Variants in MELK observed in about 807,000 individuals in gnomAD.
MELK encodes the protein pEg3 kinase.
Under a neutral mutation model 85.0 loss-of-function variants are expected in MELK, and 81 were observed. The observed-to-expected ratio is 0.95, with a 90% CI of 0.80 to 1.15. MELK has a LOEUF of 1.15. Among genes scored for constraint, MELK ranks in the 50% most tolerant of loss-of-function variants. The pLI, the probability that MELK is intolerant of heterozygous loss-of-function variation, is 0.00. For synonymous variants in MELK, 252 were observed against 265.0 expected (o/e 0.95, Z 0.48); for missense variants, 754 against 777.5 (o/e 0.97, Z 0.36).
intron 3 of MELK, 24 bp downstream of exon 3, chr9:36,583,736 AT>A (rs779154114): frequency 1.3e-6 from 2 of 1,514,270 alleles, no homozygotes; most frequent in South Asian, 1.1e-5. Flanking sequence ...TATTTAAAAA[AT>A]AGTCCACTTA....
chr9:36,593,355 C>A (rs930223944), intron 4 of MELK, among the ~76,000 whole-genome samples: 1 of 152,030 alleles, frequency 6.6e-6, no homozygotes, highest in African/African-American at 2.4e-5. Flanking sequence ...GTTATGAGGG[C>A]AGAGCCCTTA....
At position 36,599,395 on chromosome 9, in the gene MELK, G is replaced by T. The variant is rs547460338; in HGVS notation, c.476G>T (p.Gly159Val). 1 of 1,607,112 alleles carries T rather than the reference G, an allele frequency of 6.2e-7. No homozygotes were observed. Among genetic ancestry groups the T allele is most frequent in the South Asian group, 1.1e-5 (1 of 90,772 alleles). The stretch of plus-strand genomic sequence containing the variant: ...GTTTCATTTTTATCTTATTGGCAGG[G>T]TAACAAGGATTACCATCTACAGACA... ...IDFGLCAKPK[G>V]NKDYHLQTCC... Residue 159 changes from glycine (G) to valine (V), a missense_variant and splice_region_variant, in exon 7 of 18, where the codon GGT becomes GTT. Transcript: ENST00000298048.
chr9:36,636,605 G>C (rs1043520895), intron 10 of MELK, among the ~76,000 whole-genome samples: 1 of 152,138 alleles, frequency 6.6e-6, no homozygotes, highest in African/African-American at 2.4e-5. Flanking sequence ...GCCTTACCTG[G>C]GGTCGTGGCT....
intron 1 of MELK, among the ~76,000 whole-genome samples, chr9:36,576,787 CTACCAAAGTGCTAGGAT>C (rs1364227682): frequency 6.6e-6 from 1 of 152,148 alleles, no homozygotes; most frequent in Non-Finnish European, 1.5e-5. Context: ...CTGCCTTGGC[CTACCAAAGTGCTAGGAT>C]TACAGGCGGG....
chr9:36,628,736 A>G (rs1828186819), intron 8 of MELK, among the ~76,000 whole-genome samples: 1 of 151,918 alleles, frequency 6.6e-6, no homozygotes, highest in African/African-American at 2.4e-5. Context: ...TTTGTTATAC[A>G]GAAATATCAA....
intron 5 of MELK, among the ~76,000 whole-genome samples, chr9:36,595,750 C>T (rs944576050): frequency 1.3e-5 from 2 of 151,728 alleles, no homozygotes; most frequent in Non-Finnish European, 1.5e-5. Context: ...GGACTACAGG[C>T]GTATGCCACC....
intron 4 of MELK, among the ~76,000 whole-genome samples, chr9:36,591,708 A>C (rs1823603764): frequency 6.6e-6 from 1 of 152,210 alleles, no homozygotes; most frequent in African/African-American, 2.4e-5. Flanking sequence ...AGGTGGGAAG[A>C]TCACTTGAGC....
intron 8 of MELK, among the ~76,000 whole-genome samples, chr9:36,615,331 G>A (rs1826551718): frequency 7.7e-6 from 1 of 129,584 alleles, no homozygotes; most frequent in Non-Finnish European, 1.6e-5. Flanking sequence ...TGGGGCGGCT[G>A]GCCGGGCGGG....
intron 1 of MELK, among the ~76,000 whole-genome samples, 154 bp from the exon 2 acceptor site, chr9:36,581,490 G>T (rs1360009891): frequency 6.6e-6 from 1 of 151,826 alleles, no homozygotes; most frequent in Non-Finnish European, 1.5e-5. Context: ...TTTATGTATG[G>T]TGTGAGATAA....
At chr9:36,626,028 T>C (rs1827895024) in intron 8 of MELK, among the ~76,000 whole-genome samples, 1 of 151,446 alleles carries the variant, frequency 6.6e-6, no homozygotes, top group Admixed American at 6.6e-5. Context: ...TGAATAAGGG[T>C]TCTAGGTTAG....
At chr9:36,667,701 G>T (rs2137963000) in intron 14 of MELK, among the ~76,000 whole-genome samples, 1 of 152,280 alleles carries the variant, frequency 6.6e-6, no homozygotes, top group South Asian at 2.1e-4. Flanking sequence ...AGCCATGATT[G>T]TTAGCTTCCA....
rs541176547 is a variant in MELK at position 36,578,553 on chromosome 9, A to C, written c.-38-3091A>C. Among the ~76,000 whole-genome samples the C allele has an allele frequency of 2.8e-4, 43 of 152,348 alleles. 1 individual carries two copies. The highest frequency in any genetic ancestry group is 3.4e-3 in the Middle Eastern group (1 of 294). The stretch of plus-strand genomic sequence containing the variant: ...AGTCTCAGAGTGAGTTGAAAGGGGC[A>C]GAATGAGGGAAGAATGAGGTGGGCC... On this transcript the variant is annotated intron_variant, in intron 1 of 17. Coordinates refer to ENST00000298048, the MANE Select transcript of MELK (RefSeq NM_014791.4).
chr9:36,621,275 GAAAAAAAAAAAAAAAA>G (rs74181196), intron 8 of MELK, among the ~76,000 whole-genome samples: 1,081 of 32,336 alleles, frequency 0.033, 18 homozygotes, highest in East Asian at 0.11. Flanking sequence ...CTGTCTCAGG[GAAAAAAAAAAAAAAAA>G]AAAAAAAAAA....
At chr9:36,652,521 GGA>G (rs1830811695) in intron 12 of MELK, among the ~76,000 whole-genome samples, 1 of 151,194 alleles carries the variant, frequency 6.6e-6, no homozygotes. Flanking sequence ...CACAAGGTCA[GGA>G]GTTTGACACC....
intron 8 of MELK, among the ~76,000 whole-genome samples, chr9:36,619,005 C>A (rs1827135309): frequency 6.7e-6 from 1 of 148,282 alleles, no homozygotes; most frequent in Admixed American, 6.8e-5. Context: ...GTTGTCCAGG[C>A]TGGAGTGCAG....
At chr9:36,634,199 T>C (rs1217141878) in intron 10 of MELK, among the ~76,000 whole-genome samples, 1 of 152,222 alleles carries the variant, frequency 6.6e-6, no homozygotes, top group African/African-American at 2.4e-5. Context: ...TCTTTAACTA[T>C]TGGAAAGCAC....
intron 8 of MELK, among the ~76,000 whole-genome samples, chr9:36,622,307 C>T (rs941260220): frequency 3.3e-5 from 5 of 152,074 alleles, no homozygotes; most frequent in African/African-American, 9.7e-5. Flanking sequence ...ATTAAGGTGT[C>T]GTATCACTTG....
chr9:36,573,655 G>A (rs13296563), intron 1 of MELK, among the ~76,000 whole-genome samples: 1 of 152,072 alleles, frequency 6.6e-6, no homozygotes, highest in Non-Finnish European at 1.5e-5. Flanking sequence ...ACAGACATCC[G>A]CCACCACGCC....
At chr9:36,596,581 GTTTT>G (rs1173675582) in intron 5 of MELK, among the ~76,000 whole-genome samples, 20 of 98,426 alleles carry the variant, frequency 2.0e-4, no homozygotes, top group African/African-American at 1.4e-3. Flanking sequence ...TGTTTTTTTT[GTTTT>G]TTTTGTTTTT....
Sources: gnomAD v4.1 joint callset for allele counts (sites outside exome capture counted in the v4.1 genomes callset) on GRCh38, gnomAD v4.1.1 for gene constraint, MANE v1.5 for transcripts, NCBI Gene and HGNC (gene_info 2026-07-23, HGNC 2026-07-21) for gene names.